IL1RAPL1: variants seen among roughly 807,000 people sequenced by gnomAD.
IL1RAPL1 encodes interleukin-1 receptor accessory protein-like 1.
In IL1RAPL1, 3 loss-of-function variants were observed where a neutral mutation model predicts 48.4. That is an observed-to-expected ratio of 0.06 (90% CI 0.03 to 0.16). The LOEUF is 0.16. Ranked by LOEUF, IL1RAPL1 falls within the 10% of genes least tolerant of loss-of-function variation. IL1RAPL1 has a pLI of 1.00. For synonymous variants in IL1RAPL1, 185 were observed against 187.7 expected, an observed-to-expected ratio of 0.99 and a Z score of 0.12; for missense variants, 349 against 530.6, an observed-to-expected ratio of 0.66 and a Z score of 3.36.
intron 6 of IL1RAPL1, among the ~76,000 whole-genome samples, chrX:29,702,105 C>G (rs151059076): frequency 9.2e-4 from 102 of 110,865 alleles, no homozygotes; most frequent in African/African-American, 3.2e-3. Flanking sequence ...AAATACAAAA[C>G]CTAGCTGGGC....
intron 3 of IL1RAPL1, among the ~76,000 whole-genome samples, chrX:29,294,231 T>C: frequency 9.0e-6 from 1 of 110,773 alleles, no homozygotes; most frequent in Non-Finnish European, 1.9e-5. Flanking sequence ...AATTAAATAA[T>C]GAATGAAAAC....
intron 2 of IL1RAPL1, among the ~76,000 whole-genome samples, chrX:29,104,699 T>C (rs1382365731): frequency 9.0e-6 from 1 of 111,141 alleles, no homozygotes; most frequent in Admixed American, 9.6e-5. Context: ...GATTGTCAGG[T>C]ATTACATGCC....
intron 2 of IL1RAPL1, among the ~76,000 whole-genome samples, chrX:29,199,456 A>G (rs1296068720): frequency 8.9e-6 from 1 of 111,795 alleles, no homozygotes; most frequent in Non-Finnish European, 1.9e-5. Context: ...GTAGATGAGC[A>G]GTTCCCAGTC....
chrX:28,655,580 TTTATC>T (rs1340328724), intron 1 of IL1RAPL1, among the ~76,000 whole-genome samples: 1 of 111,480 alleles, frequency 9.0e-6, no homozygotes, highest in Non-Finnish European at 1.9e-5. Context: ...AAAAAATACA[TTTATC>T]TTAATTACAG....
At chrX:29,836,997 T>C (rs113493944) in intron 6 of IL1RAPL1, among the ~76,000 whole-genome samples, 5,295 of 109,309 alleles carry the variant, frequency 0.048, 326 homozygotes, top group African/African-American at 0.17. Context: ...CGGTGGCTCA[T>C]GCCTGTAATC....
chrX:28,883,551 C>T (rs1391491681), intron 2 of IL1RAPL1, among the ~76,000 whole-genome samples: 1 of 111,858 alleles, frequency 8.9e-6, no homozygotes. Flanking sequence ...TTGCCAGTGG[C>T]AAGGAAGTAA....
intron 6 of IL1RAPL1, among the ~76,000 whole-genome samples, chrX:29,872,666 C>T (rs1019416454): frequency 9.0e-6 from 1 of 111,652 alleles, no homozygotes; most frequent in South Asian, 3.8e-4. Flanking sequence ...GTCTTTCTGA[C>T]TAATTGTCAG....
At chrX:28,719,671 A>G (rs1935546892) in intron 1 of IL1RAPL1, among the ~76,000 whole-genome samples, 1 of 111,132 alleles carries the variant, frequency 9.0e-6, no homozygotes, top group African/African-American at 3.3e-5. Context: ...GACCTTCAAT[A>G]AAGTTTGTAT....
chrX:28,665,759 G>C (rs1934869665), intron 1 of IL1RAPL1, among the ~76,000 whole-genome samples: 1 of 111,998 alleles, frequency 8.9e-6, no homozygotes, highest in Admixed American at 9.5e-5. Flanking sequence ...CCACAGTGCT[G>C]GGATTACAAG....
At chrX:28,885,889 AG>A (rs779940149) in intron 2 of IL1RAPL1, among the ~76,000 whole-genome samples, 2 of 111,802 alleles carry the variant, frequency 1.8e-5, no homozygotes, top group African/African-American at 6.5e-5. Context: ...CCAGTAAGAA[AG>A]GAAATCTAAC....
At chrX:28,982,537 A>G (rs896259453) in intron 2 of IL1RAPL1, among the ~76,000 whole-genome samples, 2 of 112,016 alleles carry the variant, frequency 1.8e-5, no homozygotes, top group African/African-American at 3.2e-5. Flanking sequence ...TGCATTTAGT[A>G]CCTTTCTGTT....
chrX:28,934,093 C>T (rs1055413933), intron 2 of IL1RAPL1, among the ~76,000 whole-genome samples: 2 of 111,139 alleles, frequency 1.8e-5, no homozygotes, highest in African/African-American at 3.3e-5. Flanking sequence ...CCTATCTCAT[C>T]CTGTGACTAA....
At chrX:28,681,197 G>A (rs1393340054) in intron 1 of IL1RAPL1, among the ~76,000 whole-genome samples, 2 of 110,974 alleles carry the variant, frequency 1.8e-5, no homozygotes, top group African/African-American at 6.5e-5. Flanking sequence ...CTAGTTTTTT[G>A]ACATATAATT....
At chrX:29,266,431 A>T (rs934010247) in intron 2 of IL1RAPL1, among the ~76,000 whole-genome samples, 4 of 111,781 alleles carry the variant, frequency 3.6e-5, no homozygotes, top group Non-Finnish European at 7.5e-5. Context: ...AGGTTGAGGT[A>T]ATGCAGGCAG....
chrX:29,469,092 A>G (rs1359620281), intron 5 of IL1RAPL1, among the ~76,000 whole-genome samples: 1 of 111,855 alleles, frequency 8.9e-6, no homozygotes, highest in East Asian at 2.8e-4. Context: ...GGAGCAAAAG[A>G]ATTCTCTTTT....
intron 2 of IL1RAPL1, among the ~76,000 whole-genome samples, chrX:28,838,650 C>G (rs1330991213): frequency 9.2e-6 from 1 of 109,238 alleles, no homozygotes; most frequent in Non-Finnish European, 1.9e-5. Context: ...TTTTGTCTTC[C>G]TTTTTTTTGT....
chrX:29,457,435 C>A (rs1353632169), intron 5 of IL1RAPL1, among the ~76,000 whole-genome samples: 1 of 111,003 alleles, frequency 9.0e-6, no homozygotes, highest in African/African-American at 3.3e-5. Context: ...TGAGAACATG[C>A]GGTCTTTGGT....
At chrX:29,807,601 C>A (rs1451964615) in intron 6 of IL1RAPL1, among the ~76,000 whole-genome samples, 2 of 65,032 alleles carry the variant, frequency 3.1e-5, no homozygotes, top group Admixed American at 2.7e-4. Context: ...GGCGACAGAG[C>A]AAGACTCTGT....
chrX:29,654,849 A>C (rs1282224795), intron 5 of IL1RAPL1, among the ~76,000 whole-genome samples: 3 of 112,265 alleles, frequency 2.7e-5, no homozygotes, highest in African/African-American at 9.7e-5. Context: ...TTTTTATAAG[A>C]TTTGGGCTGT....
Sources: allele counts gnomAD v4.1 joint callset (sites outside exome capture counted in the v4.1 genomes callset), GRCh38; gene constraint gnomAD v4.1.1; transcripts MANE v1.5; gene names NCBI Gene and HGNC (gene_info 2026-07-23, HGNC 2026-07-21).